FSTL5: variants seen among roughly 807,000 people sequenced by gnomAD.
FSTL5 encodes the protein follistatin like 5, also known as follistatin-related protein 5.
In FSTL5, 62 loss-of-function variants were observed where a neutral mutation model predicts 89.1. The observed-to-expected ratio is 0.70, with a 90% CI of 0.57 to 0.86. The LOEUF is 0.86. Ranked by LOEUF, FSTL5 falls within the 40% of genes least tolerant of loss-of-function variation. The pLI is 0.00. For missense variants in FSTL5, 1,057 were observed against 1,001.6 expected, an observed-to-expected ratio of 1.06 and a Z score of -0.75; for synonymous variants, 383 against 346.2, an observed-to-expected ratio of 1.11 and a Z score of -1.18.
intron 13 of FSTL5, among the ~76,000 whole-genome samples, chr4:161,471,908 A>C (rs1733954767): frequency 1.3e-5 from 2 of 151,594 alleles, no homozygotes; most frequent in Admixed American, 1.3e-4. Context: ...CCCCGCATTC[A>C]TTTTAGATTT....
At chr4:161,634,304 G>T (rs947157358) in intron 7 of FSTL5, among the ~76,000 whole-genome samples, 2 of 152,172 alleles carry the variant, frequency 1.3e-5, no homozygotes, top group Non-Finnish European at 2.9e-5. Context: ...TAGAGCTGTT[G>T]ACTTTAAGGC....
intron 1 of FSTL5, among the ~76,000 whole-genome samples, chr4:162,139,454 CCACACACACACACA>C (rs140005000): frequency 6.7e-6 from 1 of 149,804 alleles, no homozygotes; most frequent in East Asian, 2.0e-4. Flanking sequence ...ACACACACGC[CCACACACACACACA>C]CACAAACACA....
intron 14 of FSTL5, among the ~76,000 whole-genome samples, chr4:161,455,873 C>T (rs960565851): frequency 2.0e-5 from 3 of 152,236 alleles, no homozygotes; most frequent in South Asian, 4.1e-4. Flanking sequence ...ACTTTATCCA[C>T]TTTTAAATAC....
At chr4:161,644,223 T>C (rs541007910) in intron 7 of FSTL5, among the ~76,000 whole-genome samples, 1 of 152,006 alleles carries the variant, frequency 6.6e-6, no homozygotes, top group African/African-American at 2.4e-5. Context: ...GAGAGAAGAA[T>C]GTATTCAAGA....
chr4:161,402,530 T>C (rs1731217382), intron 15 of FSTL5, among the ~76,000 whole-genome samples: 1 of 152,198 alleles, frequency 6.6e-6, no homozygotes, highest in African/African-American at 2.4e-5. Flanking sequence ...AAGGTTTGTT[T>C]CTGTAAGGAA....
chr4:161,875,300 G>T (rs2126904455), intron 4 of FSTL5, among the ~76,000 whole-genome samples: 1 of 152,284 alleles, frequency 6.6e-6, no homozygotes, highest in South Asian at 2.1e-4. Flanking sequence ...TAGGAAATTG[G>T]CTGTCCCCAA....
chr4:161,677,408 A>G (rs1737345636), intron 6 of FSTL5, among the ~76,000 whole-genome samples: 1 of 152,028 alleles, frequency 6.6e-6, no homozygotes, highest in Non-Finnish European at 1.5e-5. Flanking sequence ...ATTGAAATCA[A>G]TAGGTACCAC....
chr4:162,146,659 ATGTCCCTTCCCTTCC>A (rs1295728563), intron 1 of FSTL5, among the ~76,000 whole-genome samples: 5 of 133,860 alleles, frequency 3.7e-5, no homozygotes, highest in Admixed American at 7.3e-5. Context: ...TTTTTACCTA[ATGTCCCTTCCCTTCC>A]CTTCCCTTCC....
chr4:161,532,198 TC>T (rs199861144), intron 10 of FSTL5, among the ~76,000 whole-genome samples: 3,983 of 145,214 alleles, frequency 0.027, 167 homozygotes, highest in African/African-American at 0.094. Context: ...AGACTCCATC[TC>T]CAAAAAAAAA....
Position 161,544,593 on chromosome 4 carries a change from A to G in FSTL5, c.1016-1900T>C, listed in dbSNP as rs551768140. Among the ~76,000 whole-genome samples, 213 of 152,052 alleles carry G rather than the reference A, an allele frequency of 1.4e-3. 1 individual carries two copies. The highest frequency in any genetic ancestry group is 4.4e-3 in the African/African-American group (182 of 41,528). On this transcript the variant is annotated intron_variant, in intron 8 of 15. Transcript: ENST00000306100. ...CAACATTGTAAATATGTTATGAGCT[A>G]CTGTGTGGTACATTTTGACACAGTT...
chr4:161,844,043 C>G (rs897247656), intron 4 of FSTL5, among the ~76,000 whole-genome samples: 1 of 152,068 alleles, frequency 6.6e-6, no homozygotes, highest in Non-Finnish European at 1.5e-5. Flanking sequence ...TGCAATCTAT[C>G]CATCTGGCAA....
At chr4:161,890,775 G>C (rs1732963304) in intron 4 of FSTL5, among the ~76,000 whole-genome samples, 1 of 151,380 alleles carries the variant, frequency 6.6e-6, no homozygotes, top group South Asian at 2.1e-4. Context: ...AAATACTTTG[G>C]AATCAGTAAA....
At position 162,029,168 on chromosome 4, in the gene FSTL5, T is replaced by A. The variant is rs1483564; in HGVS notation, c.160+4457A>T. On this transcript the variant is annotated intron_variant, in intron 3 of 15. Coordinates refer to ENST00000306100, the MANE Select transcript of FSTL5 (RefSeq NM_020116.5). ...GAGGGAGAGAGAGAGAGAGAGAGAG[T>A]GTGTGTGTGTGTGTGTGTGCGTGTG... Among the ~76,000 whole-genome samples the A allele has an allele frequency of 2.9e-3, 154 of 53,336 alleles. 3 individuals carry two copies. The South Asian group carries it at 0.04, about 14-fold the overall frequency. 35.0% of individuals were successfully genotyped at this position (53,336 alleles called of 152,430 possible).
intron 8 of FSTL5, among the ~76,000 whole-genome samples, chr4:161,543,882 C>T (rs1467259946): frequency 1.3e-5 from 2 of 151,784 alleles, no homozygotes; most frequent in Non-Finnish European, 2.9e-5. Flanking sequence ...AAAGCACAAG[C>T]AACAACAAAA....
chr4:161,669,124 A>AAT lies in FSTL5; in HGVS notation c.728-12631_728-12630insAT, dbSNP rs1553956616. ...GAGACTCTGTCTCAAAAAAAAAAAA[A>AAT]AAATAAAATAAAATAAAAGAAAAAG... On this transcript the variant is annotated intron_variant, in intron 6 of 15. Transcript: ENST00000306100. Among the ~76,000 whole-genome samples, 55 of 127,724 alleles carry AAT rather than the reference A, an allele frequency of 4.3e-4. 1 individual carries two copies. The highest frequency in any genetic ancestry group is 4.1e-3 in the Middle Eastern group (1 of 244). The allele number at this position is 127,724 out of a possible 152,430, so 83.8% of individuals were successfully genotyped here.
intron 11 of FSTL5, among the ~76,000 whole-genome samples, chr4:161,507,901 T>G (rs931382854): frequency 1.3e-5 from 2 of 151,988 alleles, no homozygotes; most frequent in Admixed American, 6.6e-5. Flanking sequence ...CTTTCCATTA[T>G]TGGCCTTAAG....
intron 6 of FSTL5, among the ~76,000 whole-genome samples, chr4:161,714,197 A>G (rs1427657429): frequency 6.6e-6 from 1 of 152,084 alleles, no homozygotes; most frequent in African/African-American, 2.4e-5. Flanking sequence ...CTCAGAGGAC[A>G]TGCAGAAACT....
chr4:161,835,243 T>C (rs1730996780), intron 4 of FSTL5, among the ~76,000 whole-genome samples: 3 of 152,154 alleles, frequency 2.0e-5, no homozygotes, highest in Admixed American at 6.5e-5. Flanking sequence ...GAAAACTGGC[T>C]AGCCATAAGT....
chr4:162,064,076 G>C (rs113673912), intron 2 of FSTL5, among the ~76,000 whole-genome samples: 2 of 151,862 alleles, frequency 1.3e-5, no homozygotes, highest in African/African-American at 4.8e-5. Flanking sequence ...TTATTTAGCT[G>C]TTTCTTCTTT....
Sources: gnomAD v4.1 joint callset for allele counts (sites outside exome capture counted in the v4.1 genomes callset) on GRCh38, gnomAD v4.1.1 for gene constraint, MANE v1.5 for transcripts, NCBI Gene and HGNC (gene_info 2026-07-23, HGNC 2026-07-21) for gene names.